The following GRM8 variants were observed in gnomAD, a reference collection of about 807,000 sequenced individuals.
The protein encoded by GRM8 is metabotropic glutamate receptor 8.
Under a neutral mutation model 87.2 loss-of-function variants are expected in GRM8, and 47 were observed. That is an observed-to-expected ratio of 0.54 (90% CI 0.43 to 0.69). The LOEUF is 0.69. GRM8 is among the 30% of genes least tolerant of loss of function. The pLI, the probability that GRM8 is intolerant of heterozygous loss-of-function variation, is 0.00. For synonymous variants in GRM8, 396 were observed against 404.5 expected, an observed-to-expected ratio of 0.98 and a Z score of 0.25; for missense variants, 1,019 against 1,139.2, an observed-to-expected ratio of 0.89 and a Z score of 1.52.
intron 6 of GRM8, among the ~76,000 whole-genome samples, chr7:126,899,823 T>C (rs1801891879): frequency 6.6e-6 from 1 of 152,072 alleles, no homozygotes; most frequent in Non-Finnish European, 1.5e-5. Flanking sequence ...CCATACCTAC[T>C]TTCTTTCTCT....
At chr7:127,212,449 G>A (rs1796274315) in intron 2 of GRM8, among the ~76,000 whole-genome samples, 2 of 122,540 alleles carry the variant, frequency 1.6e-5, no homozygotes, top group African/African-American at 6.7e-5. Context: ...ACGGAGTCTC[G>A]CTCTGTCGCC....
intron 9 of GRM8, among the ~76,000 whole-genome samples, chr7:126,528,049 C>A (rs191171393): frequency 6.6e-6 from 1 of 152,036 alleles, no homozygotes; most frequent in Non-Finnish European, 1.5e-5. Flanking sequence ...ATTAAAAATA[C>A]AAAAATTAGC....
At chr7:126,860,918 A>T (rs1305619604) in intron 6 of GRM8, among the ~76,000 whole-genome samples, 1 of 152,190 alleles carries the variant, frequency 6.6e-6, no homozygotes, top group African/African-American at 2.4e-5. Context: ...TATAACTGAG[A>T]AAACTTATAA....
At chr7:126,639,053 C>A (rs980255643) in intron 7 of GRM8, among the ~76,000 whole-genome samples, 1 of 152,178 alleles carries the variant, frequency 6.6e-6, no homozygotes, top group African/African-American at 2.4e-5. Context: ...TCCACTCTCC[C>A]AAAATTGCTC....
chr7:126,657,791 T>TG (rs1409807006), intron 7 of GRM8, among the ~76,000 whole-genome samples: 2 of 107,738 alleles, frequency 1.9e-5, no homozygotes, highest in Non-Finnish European at 3.6e-5. Flanking sequence ...GCTATTGTGG[T>TG]GGGGGTGGAG....
chr7:127,110,877 C>G (rs1826283452), intron 2 of GRM8, among the ~76,000 whole-genome samples: 1 of 152,278 alleles, frequency 6.6e-6, no homozygotes, highest in Non-Finnish European at 1.5e-5. Context: ...AGCAGGCTCT[C>G]TCTTTATTCT....
intron 6 of GRM8, among the ~76,000 whole-genome samples, chr7:126,836,976 G>A (rs1490763602): frequency 6.6e-6 from 1 of 151,670 alleles, no homozygotes; most frequent in African/African-American, 2.4e-5. Context: ...TATAAATATG[G>A]GCATTAATCT....
intron 6 of GRM8, among the ~76,000 whole-genome samples, chr7:126,829,702 A>G (rs908950554): frequency 1.3e-5 from 2 of 151,890 alleles, no homozygotes; most frequent in Non-Finnish European, 2.9e-5. Context: ...GTCCAGTTAC[A>G]TTTAAAGTTA....
intron 8 of GRM8, among the ~76,000 whole-genome samples, chr7:126,558,679 A>G (rs1049742808): frequency 1.3e-5 from 2 of 152,224 alleles, no homozygotes; most frequent in Admixed American, 1.3e-4. Flanking sequence ...ATGAGAAAAA[A>G]AAGTCTTTAC....
intron 3 of GRM8, among the ~76,000 whole-genome samples, chr7:127,064,935 A>G (rs540033090): frequency 6.6e-6 from 1 of 152,344 alleles, no homozygotes; most frequent in African/African-American, 2.4e-5. Context: ...AATTAGTTCA[A>G]CCATTGTGGG....
chr7:126,469,284 T>C (rs528941970), intron 9 of GRM8, among the ~76,000 whole-genome samples: 18 of 152,290 alleles, frequency 1.2e-4, no homozygotes, highest in Non-Finnish European at 2.2e-4. Context: ...AGTGAAACTA[T>C]TATCTGTATT....
At chr7:127,129,159 TA>T (rs1827539347) in intron 2 of GRM8, among the ~76,000 whole-genome samples, 1 of 152,190 alleles carries the variant, frequency 6.6e-6, no homozygotes, top group South Asian at 2.1e-4. Flanking sequence ...GGAACCCGGC[TA>T]AAGTCAACAT....
At chr7:126,601,545 C>T (rs1184059998) in intron 8 of GRM8, among the ~76,000 whole-genome samples, 3 of 151,336 alleles carry the variant, frequency 2.0e-5, no homozygotes, top group Admixed American at 1.3e-4. Flanking sequence ...TACAGTCCCA[C>T]CAACAGTGTA....
At chr7:127,031,356 C>G (rs990710274) in intron 3 of GRM8, among the ~76,000 whole-genome samples, 1 of 151,852 alleles carries the variant, frequency 6.6e-6, no homozygotes, top group Non-Finnish European at 1.5e-5. Flanking sequence ...CTCTATGTCC[C>G]TATTTATACT....
intron 2 of GRM8, among the ~76,000 whole-genome samples, chr7:127,107,445 A>C (rs10240626): frequency 0.012 from 1,894 of 152,256 alleles, 37 homozygotes; most frequent in African/African-American, 0.042. Context: ...GAGGAATCCT[A>C]TGTCATTTCT....
intron 6 of GRM8, among the ~76,000 whole-genome samples, chr7:126,844,427 T>C (rs1796532932): frequency 6.6e-6 from 1 of 152,192 alleles, no homozygotes; most frequent in Admixed American, 6.5e-5. Context: ...ATGGACAATA[T>C]TTTTGCTGAA....
At chr7:127,077,934 G>A (rs192239072) in intron 3 of GRM8, among the ~76,000 whole-genome samples, 5 of 152,242 alleles carry the variant, frequency 3.3e-5, no homozygotes, top group Admixed American at 1.3e-4. Context: ...AGGAGGTACC[G>A]GAACTTGACA....
At chr7:126,849,183 A>C (rs554311332) in intron 6 of GRM8, among the ~76,000 whole-genome samples, 8 of 152,280 alleles carry the variant, frequency 5.3e-5, no homozygotes, top group African/African-American at 1.9e-4. Context: ...CCCTGTCTCA[A>C]AAGAAAAAAA....
At chr7:126,532,764 G>GAGATATATAT (rs1815024745) in intron 9 of GRM8, among the ~76,000 whole-genome samples, 188 bp downstream of exon 9, 1 of 110,982 alleles carries the variant, frequency 9.0e-6, no homozygotes, top group Non-Finnish European at 1.8e-5. Flanking sequence ...GACGGATGGA[G>GAGATATATAT]ATATATATAT....
Sources: gnomAD v4.1 joint callset for allele counts (sites outside exome capture counted in the v4.1 genomes callset) on GRCh38, gnomAD v4.1.1 for gene constraint, MANE v1.5 for transcripts, NCBI Gene and HGNC (gene_info 2026-07-23, HGNC 2026-07-21) for gene names.